The following TAFA5 variants were observed in gnomAD, a reference collection of about 807,000 sequenced individuals.
The protein encoded by TAFA5 is TAFA chemokine like family member 5, also known as chemokine-like protein TAFA-5.
TAFA5 carries 6 observed loss-of-function variants against 15.3 expected under a neutral mutation model. The observed-to-expected ratio is 0.39, with a 90% CI of 0.21 to 0.77. The LOEUF is 0.77. Among genes scored for constraint, TAFA5 ranks in the 30% least tolerant of loss-of-function variants. TAFA5 has a pLI of 0.41. For synonymous variants in TAFA5, 103 were observed against 80.7 expected (o/e 1.28, Z -1.48); for missense variants, 161 against 193.1 (o/e 0.83, Z 0.98).
chr22:48,585,803 C>T lies in TAFA5; in HGVS notation c.113-60794C>T, dbSNP rs376271130. Among the ~76,000 whole-genome samples the T allele has an allele frequency of 1.6e-3, 239 of 152,168 alleles. 1 individual carries two copies. The highest frequency in any genetic ancestry group is 5.5e-3 in the African/African-American group (227 of 41,508). On this transcript the variant is annotated intron_variant, in intron 1 of 3. Coordinates refer to ENST00000402357, the MANE Select transcript of TAFA5 (RefSeq NM_001082967.3). Reference sequence around the variant, plus strand: ...CACCACACATACCCTGTGAAGGCCACGCACACACAAAGCGCAGAAACACAC... The same window carrying T: ...CACCACACATACCCTGTGAAGGCCATGCACACACAAAGCGCAGAAACACAC...
intron 1 of TAFA5, among the ~76,000 whole-genome samples, chr22:48,608,455 T>C (rs1408325093): frequency 6.6e-6 from 1 of 152,118 alleles, no homozygotes; most frequent in Non-Finnish European, 1.5e-5. Flanking sequence ...GAGCCTCTCT[T>C]ACAAAGTTGA....
At chr22:48,588,944 G>A (rs1172269579) in intron 1 of TAFA5, among the ~76,000 whole-genome samples, 1 of 152,222 alleles carries the variant, frequency 6.6e-6, no homozygotes, top group Non-Finnish European at 1.5e-5. Context: ...CAGAGAAGGT[G>A]GATTTTATTA....
chr22:48,746,398 G>T (rs1930328839), intron 3 of TAFA5, among the ~76,000 whole-genome samples: 1 of 152,170 alleles, frequency 6.6e-6, no homozygotes, highest in African/African-American at 2.4e-5. Flanking sequence ...GGAGGCTGAG[G>T]TGGGAGGATG....
intron 2 of TAFA5, among the ~76,000 whole-genome samples, chr22:48,661,223 A>G (rs894290080): frequency 2.0e-5 from 3 of 152,224 alleles, no homozygotes; most frequent in Admixed American, 1.3e-4. Context: ...CACCTGGCAC[A>G]GTGTCCCACC....
At chr22:48,655,214 G>A (rs147493975) in intron 2 of TAFA5, among the ~76,000 whole-genome samples, 66 of 152,338 alleles carry the variant, frequency 4.3e-4, no homozygotes, top group Non-Finnish European at 8.2e-4. Flanking sequence ...AGCAAACCGT[G>A]TCTGAAGGGG....
At position 48,629,724 on chromosome 22, in the gene TAFA5, T is replaced by A. The variant is rs1926146634; in HGVS notation, c.113-16873T>A. Reference sequence around the variant, plus strand: ...ACAGTCCCCAGCACAGAGACCCAACTCTATGTCCACATCACCACTGCAGGA... The same window carrying A: ...ACAGTCCCCAGCACAGAGACCCAACACTATGTCCACATCACCACTGCAGGA... On this transcript the variant is annotated intron_variant, in intron 1 of 3. Transcript: ENST00000402357. Among the ~76,000 whole-genome samples the A allele has an allele frequency of 2.6e-5, 4 of 152,124 alleles. No individual in the cohort carries two copies. The South Asian group carries it at 8.3e-4, about 32-fold the overall frequency.
At chr22:48,583,989 C>A (rs1023244627) in intron 1 of TAFA5, among the ~76,000 whole-genome samples, 13 of 143,950 alleles carry the variant, frequency 9.0e-5, no homozygotes, top group Non-Finnish European at 1.7e-4. Context: ...ACCATATACA[C>A]CTACCCACAC....
intron 1 of TAFA5, among the ~76,000 whole-genome samples, chr22:48,572,712 C>A (rs1451294615): frequency 6.6e-6 from 1 of 152,150 alleles, no homozygotes; most frequent in African/African-American, 2.4e-5. Flanking sequence ...TATCCACATG[C>A]AGTTAGCAAA....
chr22:48,735,525 T>C, intron 3 of TAFA5, among the ~76,000 whole-genome samples: 1 of 152,188 alleles, frequency 6.6e-6, no homozygotes, highest in South Asian at 2.1e-4. Flanking sequence ...GGTTCATTTG[T>C]TTTCTTTTTA....
intron 2 of TAFA5, among the ~76,000 whole-genome samples, chr22:48,705,481 G>A (rs939172789): frequency 1.3e-5 from 2 of 152,176 alleles, no homozygotes; most frequent in African/African-American, 4.8e-5. Flanking sequence ...CCTCCCCTGC[G>A]ATGACCCCAG....
chr22:48,619,383 T>A (rs959485803), intron 1 of TAFA5, among the ~76,000 whole-genome samples: 2 of 152,104 alleles, frequency 1.3e-5, no homozygotes, highest in African/African-American at 4.8e-5. Context: ...ATAGACAGAG[T>A]CTCACTCTGT....
chr22:48,582,775 A>AC, intron 1 of TAFA5, among the ~76,000 whole-genome samples: 1 of 141,696 alleles, frequency 7.1e-6, no homozygotes, highest in East Asian at 2.2e-4. Context: ...AAAATACACC[A>AC]CACACACCAC....
rs916805194 is a variant in TAFA5 at position 48,750,044 on chromosome 22, G to C, written c.*197G>C. On this transcript the variant is annotated 3_prime_UTR_variant, in exon 4 of 4. Transcript: ENST00000402357. ...TCTGTCCAGCCGACCCGAGGAGGCC[G>C]GACTCAGACACATAGGCGGGGGGCG... 63 of 610,534 alleles carry C rather than the reference G, an allele frequency of 1.0e-4. No homozygotes were observed. The highest frequency in any genetic ancestry group is 2.9e-5 in the Non-Finnish European group (10 of 345,388). 37.8% of individuals were successfully genotyped at this position (610,534 alleles called of 1,614,324 possible). A position where few individuals can be genotyped will look rare whatever the true frequency, so the allele number is the denominator to read the frequency against.
At position 48,626,773 on chromosome 22, in the gene TAFA5, C is replaced by T. The variant is rs12158258; in HGVS notation, c.113-19824C>T. Reference sequence around the variant, plus strand: ...AAAGCTCATCACCCAATTCAAGGCTCCATAGATTTTTCTCCTGTGTTTATT... The same window carrying T: ...AAAGCTCATCACCCAATTCAAGGCTTCATAGATTTTTCTCCTGTGTTTATT... On this transcript the variant is annotated intron_variant, in intron 1 of 3. Coordinates refer to ENST00000402357, the MANE Select transcript of TAFA5 (RefSeq NM_001082967.3). Among the ~76,000 whole-genome samples the T allele has an allele frequency of 9.3e-4, 141 of 152,312 alleles. 2 individuals are homozygous for T. Among genetic ancestry groups the T allele is most frequent in the African/African-American group, 3.3e-3 (138 of 41,566 alleles).
intron 2 of TAFA5, among the ~76,000 whole-genome samples, chr22:48,659,485 A>G (rs1601650318): frequency 6.6e-6 from 1 of 152,258 alleles, no homozygotes; most frequent in Non-Finnish European, 1.5e-5. Flanking sequence ...AGAGGGACTC[A>G]GGCACCACCA....
chr22:48,683,365 G>C (rs132223), intron 2 of TAFA5, among the ~76,000 whole-genome samples: 98,669 of 152,188 alleles, frequency 0.65, 32,992 homozygotes, highest in Non-Finnish European at 0.74. Flanking sequence ...GCCAGGTACG[G>C]CACTTGCTGG....
chr22:48,508,885 C>T (rs1167332740), intron 1 of TAFA5, among the ~76,000 whole-genome samples: 1 of 152,102 alleles, frequency 6.6e-6, no homozygotes, highest in East Asian at 1.9e-4. Flanking sequence ...GCTGTGGTCG[C>T]CCTACTGTGC....
chr22:48,557,430 C>T (rs1026107511), intron 1 of TAFA5, among the ~76,000 whole-genome samples: 8 of 152,252 alleles, frequency 5.3e-5, no homozygotes, highest in Non-Finnish European at 1.0e-4. Context: ...TCCAGGGCTG[C>T]GAGGACATGA....
intron 2 of TAFA5, among the ~76,000 whole-genome samples, chr22:48,691,636 G>C (rs372984747): frequency 1.3e-5 from 2 of 152,190 alleles, no homozygotes; most frequent in African/African-American, 4.8e-5. Flanking sequence ...TGCTGCAGGC[G>C]CTCAGTCCTG....
Sources: allele counts gnomAD v4.1 joint callset (sites outside exome capture counted in the v4.1 genomes callset), GRCh38; gene constraint gnomAD v4.1.1; transcripts MANE v1.5; gene names NCBI Gene and HGNC (gene_info 2026-07-23, HGNC 2026-07-21).